LIPA: variants seen among roughly 807,000 people sequenced by gnomAD.
LIPA encodes lipase A, lysosomal acid type, also known as lysosomal acid lipase/cholesteryl ester hydrolase.
In LIPA, 26 loss-of-function variants were observed where a neutral mutation model predicts 40.6. That is an observed-to-expected ratio of 0.64 (90% CI 0.47 to 0.89). LIPA has a LOEUF of 0.89. Among genes scored for constraint, LIPA ranks in the 40% least tolerant of loss-of-function variants. LIPA has a pLI of 0.00. For missense variants in LIPA, 455 were observed against 479.6 expected (o/e 0.95, Z 0.48); for synonymous variants, 188 against 168.4 (o/e 1.12, Z -0.90).
intron 5 of LIPA, among the ~76,000 whole-genome samples, chr10:89,225,831 TAGTG>T (rs373807702): frequency 2.6e-3 from 390 of 152,282 alleles, no homozygotes; most frequent in African/African-American, 7.5e-3. Flanking sequence ...GTTCTTGTGG[TAGTG>T]AGTAAGTCTC....
rs373858137 is a variant in LIPA, at chr10:89,390,232, C to G, written c.61+22559G>C. On this transcript the variant is annotated intron_variant, in intron 2 of 8. Coordinates refer to the LIPA transcript ENST00000371837. The stretch of plus-strand genomic sequence containing the variant: ...AACTCCCAACCTCAGGTGATCCGCC[C>G]GTCTTGTCCTCCCAAAATGCTGGGA... 5.5e-3 allele frequency among the ~76,000 whole-genome samples: 830 copies of G among 152,160 alleles called. 4 individuals are homozygous for G. The highest frequency in any genetic ancestry group is 8.4e-3 in the Non-Finnish European group (571 of 67,984).
In LIPA at chr10:89,306,282, G is replaced by A. The variant is rs770584027; in HGVS notation, c.-2+36329C>T. 19 of 1,613,966 alleles carry A rather than the reference G, an allele frequency of 1.2e-5. No individual in the cohort carries two copies. Among genetic ancestry groups the A allele is most frequent in the East Asian group, 1.1e-4 (5 of 44,890 alleles). On this transcript the variant is annotated intron_variant, in intron 1 of 5. Coordinates refer to the LIPA transcript ENST00000282673. ...GCCTGGGTCTACTATCACATGGGCC[G>A]ACTCTCAGACGTTCAGATTTATGTA...
intron 1 of LIPA, among the ~76,000 whole-genome samples, chr10:89,303,467 T>C (rs1240206393): frequency 2.6e-5 from 4 of 152,224 alleles, no homozygotes; most frequent in African/African-American, 9.7e-5. Context: ...TTGTTGTGTA[T>C]ACAACTGGAA....
intron 1 of LIPA, chr10:89,307,221 G>A (rs759920872): frequency 1.2e-6 from 2 of 1,613,916 alleles, no homozygotes; most frequent in African/African-American, 1.3e-5. Context: ...GCCAAAATGC[G>A]ACTTTCTAAA....
intron 1 of LIPA, among the ~76,000 whole-genome samples, chr10:89,319,261 A>G (rs1185520643): frequency 6.6e-6 from 1 of 152,226 alleles, no homozygotes; most frequent in Non-Finnish European, 1.5e-5. Flanking sequence ...AAAAAAATCA[A>G]TGAATCCAGG....
intron 1 of LIPA, chr10:89,335,431 T>C (rs1264453745): frequency 2.0e-5 from 3 of 150,420 alleles, no homozygotes; most frequent in African/African-American, 7.5e-5. Flanking sequence ...AGCTGACACA[T>C]GACAGGGTGG....
intron 2 of LIPA, chr10:89,403,284 C>A (rs1358849261): frequency 1.2e-5 from 20 of 1,613,950 alleles, no homozygotes; most frequent in Non-Finnish European, 1.7e-5. Context: ...GGAAAAAAAG[C>A]CCACATTTGA....
chr10:89,408,137 T>G (rs1003462113), intron 2 of LIPA, among the ~76,000 whole-genome samples: 4 of 152,300 alleles, frequency 2.6e-5, no homozygotes, highest in African/African-American at 9.6e-5. Context: ...AGGCTCACCC[T>G]TGAAATGCAT....
At chr10:89,285,856 T>G (rs534211398) in intron 1 of LIPA, among the ~76,000 whole-genome samples, 3 of 149,760 alleles carry the variant, frequency 2.0e-5, no homozygotes, top group Non-Finnish European at 4.4e-5. Flanking sequence ...CCCCCACCCC[T>G]TCTCTCTGTG....
At chr10:89,398,006 C>T (rs1844369653) in intron 2 of LIPA, among the ~76,000 whole-genome samples, 1 of 152,168 alleles carries the variant, frequency 6.6e-6, no homozygotes, top group Non-Finnish European at 1.5e-5. Context: ...CCATGACCAC[C>T]ATCCATCTCC....
At chr10:89,297,402 T>C (rs1843421684) in intron 1 of LIPA, among the ~76,000 whole-genome samples, 1 of 151,996 alleles carries the variant, frequency 6.6e-6, no homozygotes, top group Non-Finnish European at 1.5e-5. Context: ...AGTCATGGAA[T>C]TACATCCTAT....
rs576553114 is a variant in LIPA at position 89,318,972 on chromosome 10, A to G, written c.-2+23639T>C. On this transcript the variant is annotated intron_variant, in intron 1 of 5. Transcript: ENST00000282673. ...GTGCTCCTGAATGACTACTGGGTAC[A>G]TAAGAAAATGAAGGCAGAAATAAAG... is the stretch of plus-strand genomic sequence containing the variant. 2.0e-5 allele frequency among the ~76,000 whole-genome samples: 3 copies of G among 152,370 alleles called. No individual in the cohort carries two copies. In the South Asian group the frequency reaches 6.2e-4, roughly 32 times the overall value.
At chr10:89,369,051 A>C (rs114871262) in intron 2 of LIPA, among the ~76,000 whole-genome samples, 1 of 152,252 alleles carries the variant, frequency 6.6e-6, no homozygotes, top group African/African-American at 2.4e-5. Context: ...TATATTCATT[A>C]AGCTCAATGT....
At chr10:89,414,563 G>A (rs61855170), upstream of LIPA, 4,140 of 455,244 alleles carry the variant, frequency 9.1e-3, 33 homozygotes, top group Non-Finnish European at 0.013. Flanking sequence ...GATTTCTTAA[G>A]TTTCAGTTTC....
intron 1 of LIPA, among the ~76,000 whole-genome samples, chr10:89,334,600 A>ACTC (rs1161237993): frequency 1.4e-5 from 1 of 71,382 alleles, no homozygotes. Flanking sequence ...GTTTCAAGCA[A>ACTC]TTCTGCCTCG....
intron 2 of LIPA, among the ~76,000 whole-genome samples, chr10:89,407,009 C>G (rs186897586): frequency 3.2e-4 from 48 of 152,252 alleles, no homozygotes; most frequent in African/African-American, 1.1e-3. Flanking sequence ...ACTAAAGACA[C>G]GGGTGTCAGG....
intron 2 of LIPA, among the ~76,000 whole-genome samples, chr10:89,376,849 C>G (rs1844125640): frequency 6.6e-6 from 1 of 152,128 alleles, no homozygotes; most frequent in South Asian, 2.1e-4. Flanking sequence ...CACACCTTAC[C>G]ACATGGGAGC....
chr10:89,403,548 T>G, intron 2 of LIPA: 2 of 1,614,048 alleles, frequency 1.2e-6, no homozygotes, highest in Non-Finnish European at 1.7e-6. Flanking sequence ...TTTGAAGAAA[T>G]TGGTTTTAAG....
chr10:89,396,699 C>A (rs1844349357), intron 2 of LIPA, among the ~76,000 whole-genome samples: 1 of 152,222 alleles, frequency 6.6e-6, no homozygotes, highest in Admixed American at 6.5e-5. Context: ...GACAATCAAA[C>A]TGTATCCAAA....
Sources: allele counts gnomAD v4.1 joint callset (sites outside exome capture counted in the v4.1 genomes callset), GRCh38; gene constraint gnomAD v4.1.1; transcripts MANE v1.5; gene names NCBI Gene and HGNC (gene_info 2026-07-23, HGNC 2026-07-21).